MLIP: variants seen among roughly 807,000 people sequenced by gnomAD.
The protein encoded by MLIP is muscular LMNA interacting protein, also known as muscular LMNA-interacting protein.
MLIP carries 79 observed loss-of-function variants against 84.8 expected under a neutral mutation model. That is an observed-to-expected ratio of 0.93 (90% CI 0.78 to 1.12). The LOEUF is 1.12. Among genes scored for constraint, MLIP ranks in the 50% most tolerant of loss-of-function variants. The probability of loss-of-function intolerance (pLI) is 0.00; values close to 1 mark genes in which losing one functional copy is unlikely to be tolerated. For synonymous variants in MLIP, 504 were observed against 463.0 expected (o/e 1.09, Z -1.14); for missense variants, 1,257 against 1,160.6 (o/e 1.08, Z -1.21).
At chr6:54,256,369 A>T (rs1462386075) in intron 12 of MLIP, among the ~76,000 whole-genome samples, 1 of 152,064 alleles carries the variant, frequency 6.6e-6, no homozygotes, top group Non-Finnish European at 1.5e-5. Context: ...TTAAGAGCTG[A>T]TCTCTGTCCA....
At chr6:54,179,301 A>G (rs1455575061) in intron 9 of MLIP, among the ~76,000 whole-genome samples, 1 of 152,070 alleles carries the variant, frequency 6.6e-6, no homozygotes, top group Non-Finnish European at 1.5e-5. Flanking sequence ...TTTATAGGCT[A>G]AGTGTGTTTC....
chr6:54,098,313 G>A (rs1768375598), intron 1 of MLIP, among the ~76,000 whole-genome samples: 1 of 142,358 alleles, frequency 7.0e-6, no homozygotes, highest in African/African-American at 2.6e-5. Context: ...TATCATGCCA[G>A]GCTAATTTTT....
At position 54,138,215 on chromosome 6, in the gene MLIP, A is replaced by G; in HGVS notation, c.2146A>G (p.Thr716Ala). The G allele has an allele frequency of 2.0e-6, 3 of 1,536,064 alleles. No individual in the cohort carries two copies. The highest frequency in any genetic ancestry group is 2.6e-6 in the Non-Finnish European group (3 of 1,146,848). The change falls in exon 4 of 14, where the codon ACA becomes GCA. Residue 716 changes from threonine (T) to alanine (A), a missense_variant. Thr to Ala is a moderately conservative substitution (Grantham distance 58, BLOSUM62 0). Coordinates refer to ENST00000502396, the MANE Select transcript of MLIP (RefSeq NM_001281747.2). ...AACCCCATCACTTCCCATATCTCTAACAAGGACAGAGGAGCTGATTTCACC... is the reference window on the plus strand; with the variant it reads ...AACCCCATCACTTCCCATATCTCTAGCAAGGACAGAGGAGCTGATTTCACC... ...VSTPSLPISLTRTEELISPCA... is the reference protein window; with the variant it reads ...VSTPSLPISLARTEELISPCA...
At chr6:54,202,001 A>G in intron 10 of MLIP, 104 bp from the exon 11 acceptor site, 1 of 807,776 alleles carries the variant, frequency 1.2e-6, no homozygotes, top group South Asian at 4.5e-5. Context: ...AAAAAATATA[A>G]TTTTCTGTGA....
intron 11 of MLIP, among the ~76,000 whole-genome samples, chr6:54,218,715 C>T (rs1339428317): frequency 6.6e-6 from 1 of 151,820 alleles, no homozygotes; most frequent in African/African-American, 2.4e-5. Context: ...GGGATTTTGC[C>T]ATGTTAGCAA....
At chr6:54,106,755 G>T (rs537247002), upstream of MLIP, among the ~76,000 whole-genome samples, 4 of 152,332 alleles carry the variant, frequency 2.6e-5, no homozygotes, top group African/African-American at 9.6e-5. Context: ...CAGATGTGCT[G>T]ATGTTCAGAT....
At chr6:54,115,765 T>C (rs1245176829) in intron 1 of MLIP, among the ~76,000 whole-genome samples, 1 of 152,068 alleles carries the variant, frequency 6.6e-6, no homozygotes. Flanking sequence ...CTGGAAGTTT[T>C]TAGACAAGAG....
intron 11 of MLIP, among the ~76,000 whole-genome samples, chr6:54,221,527 C>T (rs1049874560): frequency 7.4e-6 from 1 of 135,182 alleles, no homozygotes; most frequent in Non-Finnish European, 1.6e-5. Flanking sequence ...GTTCCTTAAG[C>T]AAGACACATA....
intron 11 of MLIP, among the ~76,000 whole-genome samples, chr6:54,213,898 T>A (rs1286931464): frequency 6.6e-6 from 1 of 152,018 alleles, no homozygotes; most frequent in Non-Finnish European, 1.5e-5. Flanking sequence ...TACACCAAAA[T>A]AATAAAACCA....
chr6:54,124,659 G>A lies in MLIP; in HGVS notation c.439G>A (p.Glu147Lys), dbSNP rs368458090. ...TGAATATGTCCTTATTGTGGACTCC[G>A]AAGGGGAAGATGAGGCTGCAAGCAG... ...KAEYVLIVDS[E>K]GEDEAASRKV... The change falls in exon 3 of 14, where the codon GAA becomes AAA. Residue 147 changes from glutamate (E) to lysine (K), a missense_variant. Physicochemically the swap from Glu to Lys is moderately conservative, Grantham distance 56. Coordinates refer to ENST00000502396, the MANE Select transcript of MLIP (RefSeq NM_001281747.2). The A allele has an allele frequency of 6.2e-6, 10 of 1,614,088 alleles. No homozygotes were observed. Among genetic ancestry groups the A allele is most frequent in the East Asian group, 4.5e-5 (2 of 44,880 alleles).
At chr6:54,088,935 T>G (rs772302372) in intron 1 of MLIP, among the ~76,000 whole-genome samples, 1 of 152,040 alleles carries the variant, frequency 6.6e-6, no homozygotes, top group Non-Finnish European at 1.5e-5. Context: ...GGGGGCCACC[T>G]TTTTTTCCCT....
At chr6:54,097,853 T>A (rs1462588439) in intron 1 of MLIP, among the ~76,000 whole-genome samples, 3 of 152,226 alleles carry the variant, frequency 2.0e-5, no homozygotes, top group African/African-American at 7.2e-5. Flanking sequence ...TTGACCAAGG[T>A]CACACAAACT....
intron 13 of MLIP, among the ~76,000 whole-genome samples, chr6:54,259,680 C>T (rs1191451340): frequency 1.3e-5 from 2 of 151,812 alleles, no homozygotes; most frequent in African/African-American, 4.8e-5. Context: ...CGAAAAATGT[C>T]ATTTACAGTT....
chr6:54,031,515 AGTGTGTGTGC>A (rs1344323606), intron 1 of MLIP: 1 of 152,146 alleles, frequency 6.6e-6, no homozygotes, highest in Non-Finnish European at 1.5e-5. Context: ...TACATGTCTG[AGTGTGTGTGC>A]GTGTGTGTGC....
chr6:54,239,857 A>T (rs1781618033), intron 12 of MLIP, among the ~76,000 whole-genome samples: 3 of 152,170 alleles, frequency 2.0e-5, no homozygotes, highest in African/African-American at 7.2e-5. Context: ...GTCTACCACT[A>T]TAATAAACCC....
At chr6:54,205,031 A>C (rs1039349836) in intron 11 of MLIP, among the ~76,000 whole-genome samples, 1 of 152,176 alleles carries the variant, frequency 6.6e-6, no homozygotes, top group African/African-American at 2.4e-5. Context: ...GAAAGATAAG[A>C]TAGAACCTTG....
In MLIP at chr6:54,252,054, AAT is replaced by A. The variant is rs1238559853; in HGVS notation, c.2923-5245_2923-5244del. 1.7e-3 allele frequency among the ~76,000 whole-genome samples: 130 copies of A among 75,210 alleles called. 7 individuals carry two copies. The highest frequency in any genetic ancestry group is 8.7e-3 in the African/African-American group (98 of 11,308). 49.3% of individuals were successfully genotyped at this position (75,210 alleles called of 152,430 possible). On this transcript the variant is annotated intron_variant, in intron 12 of 13. Coordinates refer to ENST00000502396, the MANE Select transcript of MLIP (RefSeq NM_001281747.2). Reference sequence around the variant, plus strand: ...ATTATAACATATAATATATAATATAAATATATATATTATAACATATAATATAT... The same window carrying A: ...ATTATAACATATAATATATAATATAAATATATATTATAACATATAATATAT...
chr6:54,081,969 C>T (rs932044753), intron 1 of MLIP, among the ~76,000 whole-genome samples: 2 of 151,858 alleles, frequency 1.3e-5, no homozygotes, highest in African/African-American at 4.8e-5. Flanking sequence ...GTAGCTCTCC[C>T]TGTCTCATTC....
chr6:54,254,786 C>T (rs1477741873), intron 12 of MLIP, among the ~76,000 whole-genome samples: 2 of 143,604 alleles, frequency 1.4e-5, no homozygotes, highest in Admixed American at 6.9e-5. Context: ...CCTCCCTTCC[C>T]CCCCCACTTT....
Sources: allele counts gnomAD v4.1 joint callset (sites outside exome capture counted in the v4.1 genomes callset), GRCh38; gene constraint gnomAD v4.1.1; transcripts MANE v1.5; gene names NCBI Gene and HGNC (gene_info 2026-07-23, HGNC 2026-07-21).